The following TACC2 variants were observed in gnomAD, a reference collection of about 807,000 sequenced individuals.
TACC2 encodes the protein transforming acidic coiled-coil-containing protein 2.
Under a neutral mutation model 227.3 loss-of-function variants are expected in TACC2, and 137 were observed. The observed-to-expected ratio is 0.60, with a 90% CI of 0.52 to 0.69. The LOEUF (loss-of-function observed/expected upper bound fraction) is 0.69, where lower values mean the gene tolerates loss of function less well. Among genes scored for constraint, TACC2 ranks in the 30% least tolerant of loss-of-function variants. The probability of loss-of-function intolerance (pLI) is 0.00; values close to 1 mark genes in which losing one functional copy is unlikely to be tolerated. For missense variants in TACC2, 3,470 were observed against 3,694.4 expected, an observed-to-expected ratio of 0.94 and a Z score of 1.57; for synonymous variants, 1,523 against 1,487.5, an observed-to-expected ratio of 1.02 and a Z score of -0.55.
intron 1 of TACC2, among the ~76,000 whole-genome samples, chr10:122,005,273 G>A (rs1954928651): frequency 6.6e-6 from 1 of 151,860 alleles, no homozygotes; most frequent in Non-Finnish European, 1.5e-5. Flanking sequence ...TAATAGAGAT[G>A]GGGTGTCACC....
intron 3 of TACC2, among the ~76,000 whole-genome samples, chr10:122,081,354 C>T (rs2079464207): frequency 1.0e-5 from 1 of 100,376 alleles, no homozygotes; most frequent in Non-Finnish European, 2.0e-5. Flanking sequence ...CCCATCTCTA[C>T]TAAAACTACA....
chr10:122,100,570 C>T (rs550484481), intron 5 of TACC2, among the ~76,000 whole-genome samples: 1 of 151,870 alleles, frequency 6.6e-6, no homozygotes, highest in South Asian at 2.1e-4. Flanking sequence ...ATTACAGGCA[C>T]GCACCACCAC....
intron 19 of TACC2, among the ~76,000 whole-genome samples, chr10:122,246,047 C>T (rs1399600472): frequency 6.6e-6 from 1 of 152,048 alleles, no homozygotes; most frequent in East Asian, 1.9e-4. Context: ...GTCCCACGAT[C>T]GCAGAGGCAG....
intron 5 of TACC2, among the ~76,000 whole-genome samples, chr10:122,121,622 A>G (rs1466070969): frequency 6.6e-6 from 1 of 152,252 alleles, no homozygotes; most frequent in East Asian, 1.9e-4. Context: ...AAATGTGACA[A>G]GCGCTGCTTA....
At chr10:122,223,801 G>A (rs562162973) in intron 11 of TACC2, among the ~76,000 whole-genome samples, 164 of 152,162 alleles carry the variant, frequency 1.1e-3, no homozygotes, top group Non-Finnish European at 2.1e-3. Context: ...TGCCACTGAT[G>A]CTTTTTCACA....
Position 122,085,963 on chromosome 10 carries a change from T to C in TACC2, c.3463T>C (p.Leu1155=). 1 of 1,613,748 alleles carries C rather than the reference T, an allele frequency of 6.2e-7. No homozygotes were observed. The highest frequency in any genetic ancestry group is 8.5e-7 in the Non-Finnish European group (1 of 1,179,892). ...QAPEKPGEAT[L]SCGLLQTEHC... ...TCCGGAGAAACCTGGAGAAGCTACT[T>C]TGAGTTGTGGCCTCCTTCAGACTGA... The change falls in exon 4 of 23, where the codon TTG becomes CTG. Residue 1155 remains leucine, a synonymous_variant. Coordinates refer to ENST00000369005, the MANE Select transcript of TACC2 (RefSeq NM_206862.4).
intron 5 of TACC2, among the ~76,000 whole-genome samples, chr10:122,094,682 C>T (rs570327004): frequency 6.6e-6 from 1 of 152,350 alleles, no homozygotes; most frequent in African/African-American, 2.4e-5. Context: ...GTGGCTGGGA[C>T]AGGCATGCCA....
intron 7 of TACC2, among the ~76,000 whole-genome samples, chr10:122,190,601 C>T (rs1041530979): frequency 2.6e-5 from 4 of 152,056 alleles, no homozygotes; most frequent in African/African-American, 9.7e-5. Flanking sequence ...TTGCCTGGTA[C>T]GGATAGATTA....
At chr10:122,230,497 G>A (rs2095716636) in intron 16 of TACC2, 57 bp downstream of exon 16, 3 of 1,509,332 alleles carry the variant, frequency 2.0e-6, no homozygotes, top group Admixed American at 3.3e-5. Context: ...TGCCGCTGGG[G>A]TCCAGAAGCT....
intron 12 of TACC2, 58 bp downstream of exon 12, chr10:122,224,845 C>T: frequency 7.1e-7 from 1 of 1,407,944 alleles, no homozygotes. Context: ...TCAGGGGCCT[C>T]CTCCCCTGTG....
intron 5 of TACC2, among the ~76,000 whole-genome samples, chr10:122,089,223 A>C (rs2080442455): frequency 6.6e-6 from 1 of 152,182 alleles, no homozygotes; most frequent in Admixed American, 6.5e-5. Flanking sequence ...GGCTACAATC[A>C]ATTTCAGGTT....
At chr10:122,068,919 C>T (rs540451168) in intron 3 of TACC2, among the ~76,000 whole-genome samples, 4 of 149,672 alleles carry the variant, frequency 2.7e-5, no homozygotes, top group Admixed American at 6.7e-5. Flanking sequence ...TGGCTGGTCT[C>T]GAACTCCTGA....
At chr10:122,006,233 G>C (rs1226090230) in intron 1 of TACC2, among the ~76,000 whole-genome samples, 2 of 152,024 alleles carry the variant, frequency 1.3e-5, no homozygotes, top group African/African-American at 4.8e-5. Flanking sequence ...TGGATCACGA[G>C]GTCAGGAGAT....
At chr10:122,000,026 A>G (rs935826980) in intron 1 of TACC2, among the ~76,000 whole-genome samples, 4 of 152,194 alleles carry the variant, frequency 2.6e-5, no homozygotes, top group Non-Finnish European at 5.9e-5. Flanking sequence ...TTGGGATCCA[A>G]CACTTGGACT....
chr10:122,108,099 G>A (rs2083097798), intron 5 of TACC2, among the ~76,000 whole-genome samples: 1 of 151,272 alleles, frequency 6.6e-6, no homozygotes, highest in African/African-American at 2.4e-5. Flanking sequence ...CACCATGTTA[G>A]CCAGGATGGT....
chr10:122,147,063 A>ATG (rs2091464548), intron 7 of TACC2, among the ~76,000 whole-genome samples: 1 of 152,164 alleles, frequency 6.6e-6, no homozygotes, highest in Non-Finnish European at 1.5e-5. Flanking sequence ...TCAAGGGTAC[A>ATG]TACCATCGAC....
chr10:122,071,160 C>A (rs1255622381), intron 3 of TACC2, among the ~76,000 whole-genome samples: 1 of 152,054 alleles, frequency 6.6e-6, no homozygotes, highest in Admixed American at 6.6e-5. Flanking sequence ...TTTTAAAGAT[C>A]TTTATTGTGA....
chr10:122,203,371 C>T (rs1356637106), intron 8 of TACC2, among the ~76,000 whole-genome samples: 12 of 148,444 alleles, frequency 8.1e-5, no homozygotes, highest in Admixed American at 6.6e-4. Flanking sequence ...AGGGGGCTGA[C>T]CCCCCCACCT....
At chr10:122,115,185 C>T (rs919894957) in intron 5 of TACC2, among the ~76,000 whole-genome samples, 1 of 152,154 alleles carries the variant, frequency 6.6e-6, no homozygotes, top group Non-Finnish European at 1.5e-5. Flanking sequence ...CACAATGCCA[C>T]GCCACAAGAG....
Sources: allele counts gnomAD v4.1 joint callset (sites outside exome capture counted in the v4.1 genomes callset), GRCh38; gene constraint gnomAD v4.1.1; transcripts MANE v1.5; gene names NCBI Gene and HGNC (gene_info 2026-07-23, HGNC 2026-07-21).